The following ST8SIA2 variants were observed in gnomAD, a reference collection of about 807,000 sequenced individuals.
ST8SIA2 encodes the protein alpha-2,8-sialyltransferase 8B.
Under a neutral mutation model 37.6 loss-of-function variants are expected in ST8SIA2, and 22 were observed. The observed-to-expected ratio is 0.58, with a 90% CI of 0.42 to 0.83. ST8SIA2 has a LOEUF of 0.83. Among genes scored for constraint, ST8SIA2 ranks in the 40% least tolerant of loss-of-function variants. The pLI, the probability that ST8SIA2 is intolerant of heterozygous loss-of-function variation, is 0.00. For missense variants in ST8SIA2, 382 were observed against 484.7 expected (o/e 0.79, Z 1.99); for synonymous variants, 205 against 201.2 (o/e 1.02, Z -0.16).
intron 1 of ST8SIA2, among the ~76,000 whole-genome samples, chr15:92,411,187 A>C (rs1567211955): frequency 6.6e-6 from 1 of 152,242 alleles, no homozygotes; most frequent in Non-Finnish European, 1.5e-5. Context: ...TTTTCTGAGC[A>C]GATGGTTCAA....
chr15:92,430,304 G>A (rs961002842), intron 2 of ST8SIA2, among the ~76,000 whole-genome samples, 193 bp downstream of exon 2: 9 of 152,194 alleles, frequency 5.9e-5, no homozygotes, highest in African/African-American at 2.2e-4. Flanking sequence ...CCAAGGTCTA[G>A]AGGCTGCAGA....
At position 92,444,881 on chromosome 15, in the gene ST8SIA2, A is replaced by G. The variant is rs2141839436; in HGVS notation, c.794A>G (p.Asn265Ser). 2 of 1,613,542 alleles carry G rather than the reference A, an allele frequency of 1.2e-6. No homozygotes were observed. Among genetic ancestry groups the G allele is most frequent in the East Asian group, 2.2e-5 (1 of 44,882 alleles). ...GAGCTTATCCTGAAGCACCACGTCA[A>G]CGTGCGCACTGCATACCCCTCGCTG... ...VNELILKHHVNVRTAYPSLRL... is the reference protein window; with the variant it reads ...VNELILKHHVSVRTAYPSLRL... The change falls in exon 5 of 6, where the codon AAC becomes AGC. Residue 265 changes from asparagine (N) to serine (S), a missense_variant. By Grantham distance (46) the Asn-to-Ser change is conservative. Transcript: ENST00000268164.
chr15:92,442,872 G>T (rs2049813352), intron 4 of ST8SIA2, among the ~76,000 whole-genome samples: 1 of 152,130 alleles, frequency 6.6e-6, no homozygotes, highest in Non-Finnish European at 1.5e-5. Flanking sequence ...AAATATACCT[G>T]ATCTTGACTC....
chr15:92,435,785 C>CT (rs2049752681), intron 3 of ST8SIA2, among the ~76,000 whole-genome samples: 2 of 152,150 alleles, frequency 1.3e-5, no homozygotes, highest in Admixed American at 1.3e-4. Context: ...TCACGAAGCC[C>CT]TAACAACCGC....
At chr15:92,395,011 A>G (rs2049419962) in intron 1 of ST8SIA2, among the ~76,000 whole-genome samples, 1 of 152,016 alleles carries the variant, frequency 6.6e-6, no homozygotes, top group African/African-American at 2.4e-5. Flanking sequence ...GACTTCCTGG[A>G]GTGCGCACTT....
At chr15:92,409,943 G>A (rs2049537478) in intron 1 of ST8SIA2, among the ~76,000 whole-genome samples, 1 of 152,240 alleles carries the variant, frequency 6.6e-6, no homozygotes, top group Non-Finnish European at 1.5e-5. Flanking sequence ...AGGTGCTCAT[G>A]GAGTTTGTGA....
At chr15:92,451,004 G>A (rs2049877797) in intron 5 of ST8SIA2, among the ~76,000 whole-genome samples, 1 of 152,208 alleles carries the variant, frequency 6.6e-6, no homozygotes, top group African/African-American at 2.4e-5. Context: ...CAGCTACCTT[G>A]ACAAAGCATT....
rs1057368092 is a variant in ST8SIA2 at position 92,456,529 on chromosome 15, C to T, written c.843-7571C>T. Among the ~76,000 whole-genome samples, 6 of 152,240 alleles carry T rather than the reference C, an allele frequency of 3.9e-5. No individual in the cohort carries two copies. The South Asian group carries it at 8.3e-4, about 21-fold the overall frequency. ...AAGTAAACAAGTAATTCCAGTGTAGCGTGATAGGTGCTTGATAGGGGAAGA... is the reference window on the plus strand; with the variant it reads ...AAGTAAACAAGTAATTCCAGTGTAGTGTGATAGGTGCTTGATAGGGGAAGA... On this transcript the variant is annotated intron_variant, in intron 5 of 5. Transcript: ENST00000268164.
intron 2 of ST8SIA2, among the ~76,000 whole-genome samples, chr15:92,432,209 C>T (rs968060652): frequency 6.6e-6 from 1 of 152,168 alleles, no homozygotes; most frequent in Admixed American, 6.5e-5. Flanking sequence ...TGCGATAACT[C>T]CTCATCACCA....
intron 4 of ST8SIA2, among the ~76,000 whole-genome samples, chr15:92,440,662 G>GACTT (rs1049823324): frequency 6.6e-6 from 1 of 152,160 alleles, no homozygotes; most frequent in African/African-American, 2.4e-5. Flanking sequence ...ACTGGGTACA[G>GACTT]ACTTACGTTT....
intron 5 of ST8SIA2, among the ~76,000 whole-genome samples, chr15:92,451,641 G>C (rs1049165753): frequency 6.6e-6 from 1 of 152,140 alleles, no homozygotes; most frequent in African/African-American, 2.4e-5. Context: ...TGCTGCTCTC[G>C]ATGGCTTGCC....
chr15:92,402,869 GAGAC>G (rs753725510), intron 1 of ST8SIA2, among the ~76,000 whole-genome samples: 3 of 150,944 alleles, frequency 2.0e-5, no homozygotes, highest in African/African-American at 7.4e-5. Flanking sequence ...GAGAGAGAGA[GAGAC>G]ACACTGAGAG....
intron 3 of ST8SIA2, 72 bp downstream of exon 3, chr15:92,434,447 G>C: frequency 7.5e-6 from 12 of 1,600,574 alleles, no homozygotes; most frequent in South Asian, 1.1e-5. Context: ...GCTTCTCTTC[G>C]TCATCTAAAG....
Position 92,428,044 on chromosome 15 carries a change from G to A in ST8SIA2, c.99-2005G>A, listed in dbSNP as rs192915154. On this transcript the variant is annotated intron_variant, in intron 1 of 5. Transcript: ENST00000268164. ...TTTCATTCTGTCTTTCTCAGAGGGT[G>A]GTGCAGGTACTCCTGGTACTCGTCG... 4.2e-4 allele frequency among the ~76,000 whole-genome samples: 64 copies of A among 152,288 alleles called. No homozygotes were observed. The South Asian group carries it at 0.013, about 32-fold the overall frequency.
intron 1 of ST8SIA2, among the ~76,000 whole-genome samples, chr15:92,427,344 A>G (rs1397854716): frequency 6.6e-6 from 1 of 151,812 alleles, no homozygotes; most frequent in Admixed American, 6.6e-5. Flanking sequence ...GACTATATAT[A>G]TCTAGCTTGG....
At chr15:92,408,504 G>A (rs2049524541) in intron 1 of ST8SIA2, among the ~76,000 whole-genome samples, 2 of 152,104 alleles carry the variant, frequency 1.3e-5, no homozygotes, top group Admixed American at 1.3e-4. Flanking sequence ...AGGAGGGAAG[G>A]GATGAAGGGG....
Position 92,444,751 on chromosome 15 carries a change from T to C in ST8SIA2, c.664T>C (p.Trp222Arg). 6.2e-7 allele frequency: 1 copy of C among 1,614,194 alleles called. No homozygotes were observed. The highest frequency in any genetic ancestry group is 8.5e-7 in the Non-Finnish European group (1 of 1,180,030). Residue 222 changes from tryptophan (W) to arginine (R), a missense_variant, in exon 5 of 6, where the codon TGG becomes CGG. Trp to Arg is a moderately radical substitution (Grantham distance 101). Coordinates refer to ENST00000268164, the MANE Select transcript of ST8SIA2 (RefSeq NM_006011.4). ...CTTTGAGGACTTGGTCAATGCCACG[T>C]GGCGGGAGAAGCTGCTGCAACGGCT... ...RAFEDLVNAT[W>R]REKLLQRLHS... is the part of the protein sequence containing the mutation.
chr15:92,457,645 A>G (rs1758650869), intron 5 of ST8SIA2, among the ~76,000 whole-genome samples: 1 of 152,228 alleles, frequency 6.6e-6, no homozygotes, highest in African/African-American at 2.4e-5. Flanking sequence ...CAAGTCGGCC[A>G]TGCACACAGT....
At chr15:92,414,953 C>A (rs1192944582) in intron 1 of ST8SIA2, among the ~76,000 whole-genome samples, 1 of 152,222 alleles carries the variant, frequency 6.6e-6, no homozygotes, top group Non-Finnish European at 1.5e-5. Flanking sequence ...CAGGGAGGAC[C>A]CAAGAGGCAG....
Sources: gnomAD v4.1 joint callset for allele counts (sites outside exome capture counted in the v4.1 genomes callset) on GRCh38, gnomAD v4.1.1 for gene constraint, MANE v1.5 for transcripts, NCBI Gene and HGNC (gene_info 2026-07-23, HGNC 2026-07-21) for gene names.